GTPBP3: variants seen among roughly 807,000 people sequenced by gnomAD.
GTPBP3 encodes 5-taurinomethyluridine-[tRNA] synthase subunit GTPB3, mitochondrial.
A neutral mutation model predicts 42.0 loss-of-function variants in GTPBP3; 35 were observed. That is an observed-to-expected ratio of 0.83 (90% CI 0.64 to 1.10). The LOEUF is 1.10. GTPBP3 is among the 50% of genes least tolerant of loss of function. The pLI is 0.00. For missense variants in GTPBP3, 691 were observed against 685.2 expected (o/e 1.01, Z -0.09); for synonymous variants, 332 against 314.9 (o/e 1.05, Z -0.58).
chr19:17,335,056 C>G, upstream of GTPBP3: 1 of 1,536,138 alleles, frequency 6.5e-7, no homozygotes, highest in Non-Finnish European at 8.7e-7. Flanking sequence ...GTCCCCGCCT[C>G]GGAGCCTCAG....
At chr19:17,337,538 A>G (rs1385696018), upstream of GTPBP3, 1 of 1,287,246 alleles carries the variant, frequency 7.8e-7, no homozygotes, top group Non-Finnish European at 9.9e-7. Context: ...CAAGCCGCGG[A>G]GTGGGCGGGG....
At chr19:17,339,301 G>C (rs1287268838) in intron 6 of GTPBP3, 35 bp downstream of exon 6, 2 of 1,583,684 alleles carry the variant, frequency 1.3e-6, no homozygotes, top group South Asian at 2.3e-5. Flanking sequence ...GGGGCCTAGT[G>C]CCAGGGGCGG....
chr19:17,337,591 C>T lies in GTPBP3; in HGVS notation c.-21C>T, dbSNP rs912138643. The T allele has an allele frequency of 7.6e-7, 1 of 1,314,934 alleles. No homozygotes were observed. Among genetic ancestry groups the T allele is most frequent in the Non-Finnish European group, 9.7e-7 (1 of 1,026,170 alleles). 81.5% of individuals were successfully genotyped at this position (1,314,934 alleles called of 1,614,324 possible). On this transcript the variant is annotated 5_prime_UTR_variant, in exon 1 of 9. Transcript: ENST00000324894. ...AAGCCACACAGGCAGGTCGGGCAGGCGGGTCGCAGGTTGTAAATCCATGTG... is the reference window on the plus strand; with the variant it reads ...AAGCCACACAGGCAGGTCGGGCAGGTGGGTCGCAGGTTGTAAATCCATGTG...
chr19:17,341,725 C>T lies in GTPBP3; in HGVS notation c.*22C>T, dbSNP rs2074435144. The T allele has an allele frequency of 3.2e-6, 5 of 1,542,824 alleles. No homozygotes were observed. The East Asian group carries it at 1.1e-4, about 35-fold the overall frequency. On this transcript the variant is annotated 3_prime_UTR_variant, in exon 9 of 9. Coordinates refer to ENST00000324894, the MANE Select transcript of GTPBP3 (RefSeq NM_032620.4). Reference sequence around the variant, plus strand: ...GTGACGGGATCCAGGGAAGTCGCACCCAAGCTGCGTGGAGACCCAGGAGCC... The same window carrying T: ...GTGACGGGATCCAGGGAAGTCGCACTCAAGCTGCGTGGAGACCCAGGAGCC...
At position 17,339,106 on chromosome 19, in the gene GTPBP3, C is replaced by T; in HGVS notation, c.665-17C>T. On this transcript the variant is annotated splice_polypyrimidine_tract_variant and intron_variant, in intron 5 of 8. Coordinates refer to ENST00000324894, the MANE Select transcript of GTPBP3 (RefSeq NM_032620.4). Reference sequence around the variant, plus strand: ...TCCCCTCACTGTCTCTCTCTGCCTGCCTTCTCTCACCCACAGCCGACATCG... The same window carrying T: ...TCCCCTCACTGTCTCTCTCTGCCTGTCTTCTCTCACCCACAGCCGACATCG... 1 of 1,614,108 alleles carries T rather than the reference C, an allele frequency of 6.2e-7. No homozygotes were observed. Among genetic ancestry groups the T allele is most frequent in the Non-Finnish European group, 8.5e-7 (1 of 1,180,006 alleles).
In GTPBP3 at chr19:17,339,155, C is replaced by G. The variant is rs762972282; in HGVS notation, c.697C>G (p.Leu233Val). 3.7e-6 allele frequency: 6 copies of G among 1,613,884 alleles called. No homozygotes were observed. The highest frequency in any genetic ancestry group is 1.6e-4 in the Middle Eastern group (1 of 6,084). Residue 233 changes from leucine to valine, a missense_variant, in exon 6 of 9, where the codon CTG becomes GTG. Leu to Val is a conservative substitution (Grantham distance 32). Transcript: ENST00000324894. ...DIEVRALQVALGAHLRDARRG... is the reference protein window; with the variant it reads ...DIEVRALQVAVGAHLRDARRG... Reference sequence around the variant, plus strand: ...CGAAGTACGGGCACTGCAGGTGGCCCTGGGTGCACATCTACGAGATGCCAG... The same window carrying G: ...CGAAGTACGGGCACTGCAGGTGGCCGTGGGTGCACATCTACGAGATGCCAG...
At position 17,339,126 on chromosome 19, in the gene GTPBP3, A is replaced by G; in HGVS notation, c.668A>G (p.Asp223Gly). ...NLEEGVLEQA[D>G]IEVRALQVAL... ...GCCTGCCTTCTCTCACCCACAGCCG[A>G]CATCGAAGTACGGGCACTGCAGGTG... The change falls in exon 6 of 9, where the codon GAC becomes GGC. Residue 223 changes from aspartate (D) to glycine (G), a missense_variant. Physicochemically the swap from Asp to Gly is moderately conservative, Grantham distance 94. Transcript: ENST00000324894. 1.2e-6 allele frequency: 2 copies of G among 1,614,054 alleles called. No homozygotes were observed. The highest frequency in any genetic ancestry group is 1.7e-6 in the Non-Finnish European group (2 of 1,180,036).
intron 7 of GTPBP3, among the ~76,000 whole-genome samples, 192 bp downstream of exon 7, chr19:17,339,791 G>C (rs2074411076): frequency 6.9e-6 from 1 of 145,930 alleles, no homozygotes; most frequent in East Asian, 1.9e-4. Flanking sequence ...CTGTCGCCCA[G>C]GCTGGAGTGC....
chr19:17,339,276 C>A lies in GTPBP3; in HGVS notation c.808+10C>A, dbSNP rs1568366913. On this transcript the variant is annotated intron_variant, in intron 6 of 8. Transcript: ENST00000324894. The stretch of plus-strand genomic sequence containing the variant: ...CTAGTGAACCTGCTCAGTGAGTAGG[C>A]GGCGGGAAGGGGGCGGGGCCTAGTG... The A allele has an allele frequency of 6.3e-7, 1 of 1,589,134 alleles. No individual in the cohort carries two copies. Among genetic ancestry groups the A allele is most frequent in the Non-Finnish European group, 8.6e-7 (1 of 1,167,226 alleles).
chr19:17,341,663 T>G lies in GTPBP3; in HGVS notation c.1439T>G (p.Ile480Ser), dbSNP rs558425417. The G allele has an allele frequency of 1.9e-6, 3 of 1,599,578 alleles. No individual in the cohort carries two copies. Among genetic ancestry groups the G allele is most frequent in the Non-Finnish European group, 2.6e-6 (3 of 1,169,596 alleles). The change falls in exon 9 of 9, where the codon ATC (isoleucine) becomes AGC (serine). Residue 480 changes from isoleucine to serine, a missense_variant. By Grantham distance (142) the Ile-to-Ser change is moderately radical. Coordinates refer to ENST00000324894, the MANE Select transcript of GTPBP3 (RefSeq NM_032620.4). ...RLTGGGGTEE[I>S]LDIIFQDFCV... ...ACAGGTGGAGGGGGTACCGAGGAGA[T>G]CCTGGACATCATCTTCCAGGACTTC...
In GTPBP3 at chr19:17,338,059, C is replaced by A. The variant is rs566617236; in HGVS notation, c.105C>A (p.Thr35=). The stretch of plus-strand genomic sequence containing the variant: ...CACCAGCCCCCGGCTCCGGCGCCAC[C>A]ATCTTCGCGCTAAGCTCTGGCCAAG... The part of the protein sequence containing the change: ...SGAPAPGSGA[T]IFALSSGQGR... The change falls in exon 2 of 9, where the codon ACC becomes ACA. Residue 35 remains threonine (T), a synonymous_variant. Transcript: ENST00000324894. 6 of 1,597,892 alleles carry A rather than the reference C, an allele frequency of 3.8e-6. No individual in the cohort carries two copies. The highest frequency in any genetic ancestry group is 1.3e-5 in the African/African-American group (1 of 74,892).
At position 17,339,481 on chromosome 19, in the gene GTPBP3, G is replaced by C. The variant is rs1207962782; in HGVS notation, c.856G>C (p.Asp286His). Reference protein sequence around the residue: ...IVSPEPGTTRDVLETPVDLAG... With the variant: ...IVSPEPGTTRHVLETPVDLAG... Reference sequence around the variant, plus strand: ...GTCCCCGGAGCCAGGGACCACCCGTGACGTGCTGGAGACCCCAGTCGACCT... The same window carrying C: ...GTCCCCGGAGCCAGGGACCACCCGTCACGTGCTGGAGACCCCAGTCGACCT... Residue 286 changes from aspartate to histidine, a missense_variant, in exon 7 of 9, where the codon GAC (aspartate) becomes CAC (histidine). By Grantham distance (81) the Asp-to-His change is moderately conservative. Transcript: ENST00000324894. The C allele has an allele frequency of 6.2e-7, 1 of 1,613,888 alleles. No individual in the cohort carries two copies. Among genetic ancestry groups the C allele is most frequent in the African/African-American group, 1.3e-5 (1 of 74,934 alleles).
upstream of GTPBP3, among the ~76,000 whole-genome samples, chr19:17,335,774 C>T (rs1489524263): frequency 3.1e-5 from 4 of 130,856 alleles, no homozygotes; most frequent in Non-Finnish European, 6.5e-5. Context: ...GGGGCCAGGT[C>T]TGGTTCTCAA....
Position 17,339,226 on chromosome 19 carries a change from AC to A in GTPBP3, c.774del (p.Asn259MetfsTer7). 6.2e-7 allele frequency: 1 copy of A among 1,610,410 alleles called. No homozygotes were observed. The highest frequency in any genetic ancestry group is 8.5e-7 in the Non-Finnish European group (1 of 1,179,444). On this transcript the variant is annotated frameshift_variant, in exon 6 of 9. Transcript: ENST00000324894. LOFTEE classifies it high-confidence loss of function. ...CAGGGGTGCACGTAGTGGTCACTGG[AC>A]CCCCCAATGCGGGCAAGAGCAGCCT... ...RSGVHVVVTGPPNAGKSSLVN... is the reference protein window; with the variant it reads ...RSGVHVVVTGXPNAGKSSLVN...
rs375417589 is a variant in GTPBP3, at chr19:17,339,453, C to T, written c.828C>T (p.Ile276=). 7.9e-5 allele frequency: 128 copies of T among 1,613,746 alleles called. No homozygotes were observed. The highest frequency in any genetic ancestry group is 1.1e-4 in the Non-Finnish European group (124 of 1,179,970). ...CCCCAGGTCGGAAGCCTGTGTCCAT[C>T]GTGTCCCCGGAGCCAGGGACCACCC... ...VNLLSRKPVS[I]VSPEPGTTRD... is the part of the protein sequence containing the mutation. The change falls in exon 7 of 9, where the codon ATC becomes ATT. Residue 276 remains isoleucine, a synonymous_variant. Coordinates refer to ENST00000324894, the MANE Select transcript of GTPBP3 (RefSeq NM_032620.4).
upstream of GTPBP3, chr19:17,335,130 G>C (rs1158917483): frequency 6.5e-7 from 1 of 1,535,620 alleles, no homozygotes; most frequent in South Asian, 1.2e-5. Context: ...GGCGTAAGTT[G>C]ACTAAGGGAG....
chr19:17,337,163 G>A (rs1175176363), upstream of GTPBP3: 1 of 158,440 alleles, frequency 6.3e-6, no homozygotes, highest in Non-Finnish European at 1.4e-5. Flanking sequence ...AAGAGGTGTA[G>A]TCCCTCCTTT....
At position 17,338,090 on chromosome 19, in the gene GTPBP3, T is replaced by C; in HGVS notation, c.136T>C (p.Cys46Arg). The C allele has an allele frequency of 6.3e-7, 1 of 1,597,330 alleles. No homozygotes were observed. The highest frequency in any genetic ancestry group is 8.5e-7 in the Non-Finnish European group (1 of 1,179,196). ...IFALSSGQGRCGIAVIRTSGP... is the reference protein window; with the variant it reads ...IFALSSGQGRRGIAVIRTSGP... ...CGCGCTAAGCTCTGGCCAAGGCCGCTGCGGCATCGCAGTGATCCGGACCAG... is the reference window on the plus strand; with the variant it reads ...CGCGCTAAGCTCTGGCCAAGGCCGCCGCGGCATCGCAGTGATCCGGACCAG... The change falls in exon 2 of 9, where the codon TGC (cysteine) becomes CGC (arginine). Residue 46 changes from cysteine (C) to arginine (R), a missense_variant. Transcript: ENST00000324894.
chr19:17,335,232 C>A (rs113983944), upstream of GTPBP3: 45,763 of 1,459,120 alleles, frequency 0.031, 876 homozygotes, highest in South Asian at 0.055. Flanking sequence ...TACAGCAAGC[C>A]CTGCTTAGGA....
Sources: allele counts gnomAD v4.1 joint callset (sites outside exome capture counted in the v4.1 genomes callset), GRCh38; gene constraint gnomAD v4.1.1; transcripts MANE v1.5; gene names NCBI Gene and HGNC (gene_info 2026-07-23, HGNC 2026-07-21).